The following PDE4D variants were observed in gnomAD, a reference collection of about 807,000 sequenced individuals.
PDE4D encodes phosphodiesterase 4D.
PDE4D carries 24 observed loss-of-function variants against 87.4 expected under a neutral mutation model. The observed-to-expected ratio is 0.27, with a 90% CI of 0.20 to 0.39. PDE4D has a LOEUF of 0.39. Ranked by LOEUF, PDE4D falls within the 10% of genes least tolerant of loss-of-function variation. The pLI, the probability that PDE4D is intolerant of heterozygous loss-of-function variation, is 1.00. For missense variants in PDE4D, 714 were observed against 1,041.0 expected, an observed-to-expected ratio of 0.69 and a Z score of 4.32; for synonymous variants, 384 against 383.2, an observed-to-expected ratio of 1.00 and a Z score of -0.02.
At chr5:59,585,222 G>GC (rs1471283801) in intron 1 of PDE4D, among the ~76,000 whole-genome samples, 1 of 152,172 alleles carries the variant, frequency 6.6e-6, no homozygotes, top group African/African-American at 2.4e-5. Context: ...GGGAGAGGAT[G>GC]CCTCCCATCC....
Position 60,395,742 on chromosome 5 carries a change from G to A in PDE4D, c.-90+92200C>T, listed in dbSNP as rs572555116. Among the ~76,000 whole-genome samples, 8 of 151,122 alleles carry A rather than the reference G, an allele frequency of 5.3e-5. No individual in the cohort carries two copies. In the South Asian group the frequency reaches 1.5e-3, roughly 28 times the overall value. On this transcript the variant is annotated intron_variant, in intron 1 of 16. Transcript: ENST00000502484. ...TCTACACTGTGTTCTGTTAATAAAG[G>A]GTGCCAAGATAGAAGAAAAAAAAAA... is the stretch of plus-strand genomic sequence containing the variant.
chr5:60,144,221 C>A (rs531230986), intron 2 of PDE4D, among the ~76,000 whole-genome samples: 1 of 152,300 alleles, frequency 6.6e-6, no homozygotes, highest in East Asian at 1.9e-4. Flanking sequence ...CTCTGTTTCT[C>A]CATGTTTGCA....
intron 1 of PDE4D, among the ~76,000 whole-genome samples, chr5:59,646,154 T>G (rs1742401300): frequency 6.6e-6 from 1 of 152,328 alleles, no homozygotes; most frequent in African/African-American, 2.4e-5. Flanking sequence ...TAGTTTTACA[T>G]CCTAAATAAA....
chr5:60,432,903 T>C (rs1351197680), intron 1 of PDE4D, among the ~76,000 whole-genome samples: 1 of 152,180 alleles, frequency 6.6e-6, no homozygotes, highest in Non-Finnish European at 1.5e-5. Context: ...CTGGACAGCT[T>C]CCTTAGATCA....
rs1463977210 is a variant in PDE4D at position 59,185,893 on chromosome 5, T to C, written c.685-631A>G. On this transcript the variant is annotated intron_variant, in intron 3 of 14. Coordinates refer to ENST00000340635, the MANE Select transcript of PDE4D (RefSeq NM_001104631.2). ...ACAGAAGATACTCAATAAAAATTTG[T>C]TGACTAAATGAATACATAGACACAA... Among the ~76,000 whole-genome samples, 4 of 152,152 alleles carry C rather than the reference T, an allele frequency of 2.6e-5. No individual in the cohort carries two copies. The East Asian group carries it at 7.7e-4, about 29-fold the overall frequency.
chr5:59,475,957 G>C (rs148372211), intron 1 of PDE4D, among the ~76,000 whole-genome samples: 2 of 151,938 alleles, frequency 1.3e-5, no homozygotes, highest in African/African-American at 4.8e-5. Flanking sequence ...AATATGTAAA[G>C]AACACAAACT....
intron 1 of PDE4D, among the ~76,000 whole-genome samples, chr5:59,787,268 G>T (rs2152638608): frequency 6.6e-6 from 1 of 152,288 alleles, no homozygotes; most frequent in Middle Eastern, 3.4e-3. Flanking sequence ...CGTCTCAGGG[G>T]ACTGGGGAGA....
chr5:60,197,468 A>G (rs1183902623), intron 1 of PDE4D, among the ~76,000 whole-genome samples: 1 of 151,662 alleles, frequency 6.6e-6, no homozygotes, highest in Non-Finnish European at 1.5e-5. Flanking sequence ...CTTGGTTTAG[A>G]TTATTTGGGA....
chr5:59,589,155 T>C (rs1051122118), intron 1 of PDE4D, among the ~76,000 whole-genome samples: 4 of 152,196 alleles, frequency 2.6e-5, no homozygotes, highest in African/African-American at 7.2e-5. Context: ...AGGTTAAATA[T>C]CTAGTGAGTC....
chr5:60,356,339 A>T (rs1399061592), intron 1 of PDE4D, among the ~76,000 whole-genome samples: 3 of 152,206 alleles, frequency 2.0e-5, no homozygotes, highest in Non-Finnish European at 2.9e-5. Context: ...GTAGCATTTT[A>T]CCTAACCAAG....
intron 1 of PDE4D, among the ~76,000 whole-genome samples, chr5:59,671,297 C>T (rs992238733): frequency 1.3e-5 from 2 of 151,778 alleles, no homozygotes; most frequent in Non-Finnish European, 2.9e-5. Flanking sequence ...GCAGGCAGAT[C>T]GCCATTTGAA....
chr5:60,117,393 C>T (rs1298163235), intron 2 of PDE4D, among the ~76,000 whole-genome samples: 1 of 151,882 alleles, frequency 6.6e-6, no homozygotes, highest in Non-Finnish European at 1.5e-5. Flanking sequence ...TCCTGATAAA[C>T]TCAACCCTAC....
chr5:60,370,226 C>G (rs1054456308), intron 1 of PDE4D, among the ~76,000 whole-genome samples: 4 of 152,108 alleles, frequency 2.6e-5, no homozygotes, highest in African/African-American at 9.7e-5. Context: ...CCAGTTTGCC[C>G]AAGTAGTGCT....
intron 1 of PDE4D, among the ~76,000 whole-genome samples, chr5:60,340,728 A>G (rs1382775689): frequency 6.6e-6 from 1 of 152,156 alleles, no homozygotes; most frequent in Non-Finnish European, 1.5e-5. Flanking sequence ...AGCAAAAGAG[A>G]TATAATGAAA....
chr5:59,548,822 T>C (rs1388586405), intron 1 of PDE4D, among the ~76,000 whole-genome samples: 1 of 152,136 alleles, frequency 6.6e-6, no homozygotes, highest in Non-Finnish European at 1.5e-5. Flanking sequence ...AAATTTTCCT[T>C]ACAGGAGTTC....
chr5:58,982,405 G>A (rs915755237), intron 11 of PDE4D, among the ~76,000 whole-genome samples: 1 of 152,272 alleles, frequency 6.6e-6, no homozygotes, highest in Admixed American at 6.5e-5. Flanking sequence ...TAAGACTAGG[G>A]ACTTCCATGG....
intron 1 of PDE4D, among the ~76,000 whole-genome samples, chr5:60,221,502 T>A (rs1041205488): frequency 1.3e-5 from 2 of 152,132 alleles, no homozygotes; most frequent in Non-Finnish European, 2.9e-5. Flanking sequence ...TATCAGGGTA[T>A]AATTTACATA....
At chr5:59,720,811 A>G (rs1419956501) in intron 1 of PDE4D, among the ~76,000 whole-genome samples, 1 of 152,182 alleles carries the variant, frequency 6.6e-6, no homozygotes, top group Non-Finnish European at 1.5e-5. Context: ...TCAGGGGTCA[A>G]GGCCCAGAGT....
chr5:59,208,483 G>A (rs770394239), intron 2 of PDE4D, among the ~76,000 whole-genome samples: 4 of 152,150 alleles, frequency 2.6e-5, no homozygotes, highest in Non-Finnish European at 5.9e-5. Context: ...TATTTTAAAG[G>A]TTAGAGCACT....
Sources: gnomAD v4.1 joint callset for allele counts (sites outside exome capture counted in the v4.1 genomes callset) on GRCh38, gnomAD v4.1.1 for gene constraint, MANE v1.5 for transcripts, NCBI Gene and HGNC (gene_info 2026-07-23, HGNC 2026-07-21) for gene names.